The following FAM169A variants were observed in gnomAD, a reference collection of about 807,000 sequenced individuals.
The protein encoded by FAM169A is family with sequence similarity 169 member A.
Under a neutral mutation model 75.7 loss-of-function variants are expected in FAM169A, and 24 were observed. The observed-to-expected ratio is 0.32, with a 90% CI of 0.23 to 0.45. FAM169A has a LOEUF of 0.45. FAM169A is among the 20% of genes least tolerant of loss of function. The pLI, the probability that FAM169A is intolerant of heterozygous loss-of-function variation, is 1.00. For missense variants in FAM169A, 673 were observed against 784.0 expected, an observed-to-expected ratio of 0.86 and a Z score of 1.69; for synonymous variants, 271 against 271.0, an observed-to-expected ratio of 1.00 and a Z score of 0.00.
intron 5 of FAM169A, among the ~76,000 whole-genome samples, chr5:74,832,680 C>T (rs1457471575): frequency 6.7e-6 from 1 of 150,058 alleles, no homozygotes; most frequent in Non-Finnish European, 1.5e-5. Context: ...TATACACACA[C>T]ATATCAGAAA....
chr5:74,834,407 A>G lies in FAM169A; in HGVS notation c.490+19T>C, dbSNP rs1418283193. On this transcript the variant is annotated intron_variant, in intron 5 of 12. Transcript: ENST00000687041. ...GAGATTTCCATAATACACAGTTTAA[A>G]TAACTTTTAAAGACTCACCTGTAGG... 1.1e-5 allele frequency: 15 copies of G among 1,414,258 alleles called. No individual in the cohort carries two copies. Among genetic ancestry groups the G allele is most frequent in the Non-Finnish European group, 1.1e-5 (12 of 1,072,506 alleles). 87.6% of individuals were successfully genotyped at this position (1,414,258 alleles called of 1,614,324 possible).
chr5:74,797,562 C>T (rs1746345085), intron 10 of FAM169A, among the ~76,000 whole-genome samples: 1 of 152,174 alleles, frequency 6.6e-6, no homozygotes, highest in African/African-American at 2.4e-5. Context: ...CATGTTAGTG[C>T]TTTAGTCGAA....
At chr5:74,864,056 A>G (rs1750175773) in intron 1 of FAM169A, among the ~76,000 whole-genome samples, 1 of 152,220 alleles carries the variant, frequency 6.6e-6, no homozygotes, top group Admixed American at 6.5e-5. Flanking sequence ...AATGGGAAGC[A>G]CGATATTTTT....
At chr5:74,797,025 C>A (rs1034483686) in intron 10 of FAM169A, among the ~76,000 whole-genome samples, 1 of 152,196 alleles carries the variant, frequency 6.6e-6, no homozygotes, top group Admixed American at 6.5e-5. Context: ...CAGCTTCAGA[C>A]TTGTAGTACA....
chr5:74,849,968 A>C (rs932671439), intron 1 of FAM169A, among the ~76,000 whole-genome samples: 1 of 152,230 alleles, frequency 6.6e-6, no homozygotes, highest in Non-Finnish European at 1.5e-5. Context: ...ATTAGGTAAT[A>C]GAGCAGGAAG....
At chr5:74,847,822 G>A (rs1436391097) in intron 1 of FAM169A, among the ~76,000 whole-genome samples, 7 of 151,760 alleles carry the variant, frequency 4.6e-5, no homozygotes, top group South Asian at 2.1e-4. Flanking sequence ...ATGACTTCTC[G>A]GCTTATTTTT....
intron 12 of FAM169A, 32 bp from the exon 13 acceptor site, chr5:74,782,040 C>A (rs1745438122): frequency 6.6e-7 from 1 of 1,521,256 alleles, no homozygotes; most frequent in Non-Finnish European, 9.0e-7. Flanking sequence ...AACAAATAAA[C>A]TTGTACTACA....
chr5:74,862,371 T>TTA (rs1554054391), intron 1 of FAM169A, among the ~76,000 whole-genome samples: 2 of 152,208 alleles, frequency 1.3e-5, no homozygotes, highest in Non-Finnish European at 1.5e-5. Flanking sequence ...ACAGGACCAG[T>TTA]TATAACTCTA....
rs1554051253 is a variant in FAM169A, at chr5:74,834,999, T to TTA, written c.319-403_319-402insTA. The stretch of plus-strand genomic sequence containing the variant: ...TCAACTGCTTTTCAGTCTCCACATT[T>TTA]AAAAAAAAAAAAAAAAAGGCAGCTT... On this transcript the variant is annotated intron_variant, in intron 4 of 12. Transcript: ENST00000687041. Among the ~76,000 whole-genome samples, 76 of 131,128 alleles carry TTA rather than the reference T, an allele frequency of 5.8e-4. 1 individual carries two copies. Among genetic ancestry groups the TTA allele is most frequent in the Middle Eastern group, 3.9e-3 (1 of 256 alleles). The allele number at this position is 131,128 out of a possible 152,430, so 86.0% of individuals were successfully genotyped here.
chr5:74,846,361 A>G (rs1749156242), intron 1 of FAM169A, among the ~76,000 whole-genome samples: 1 of 152,194 alleles, frequency 6.6e-6, no homozygotes, highest in Non-Finnish European at 1.5e-5. Context: ...TCTGTCTATA[A>G]AAGCATAATC....
chr5:74,781,741 C>T lies in FAM169A; in HGVS notation c.1732G>A (p.Glu578Lys). 6.2e-7 allele frequency: 1 copy of T among 1,614,088 alleles called. No homozygotes were observed. The highest frequency in any genetic ancestry group is 8.5e-7 in the Non-Finnish European group (1 of 1,179,992). Residue 578 changes from glutamate to lysine, a missense_variant, in exon 13 of 13, where the codon GAG (glutamate) becomes AAG (lysine). Transcript: ENST00000687041. ...AGAGCAGTAGATGTTTCCTGGGGCT[C>T]AGATACCCCCTCCTCACCCTGGTCT... ...LEDQGEEGVS[E>K]PQETSTALPQ...
intron 5 of FAM169A, among the ~76,000 whole-genome samples, chr5:74,830,167 TCA>T (rs1207279679): frequency 6.6e-6 from 1 of 152,026 alleles, no homozygotes; most frequent in Non-Finnish European, 1.5e-5. Flanking sequence ...AGAATCCCCC[TCA>T]CACAACAACA....
intron 5 of FAM169A, among the ~76,000 whole-genome samples, chr5:74,826,461 T>TCAAA (rs1748032455): frequency 1.3e-5 from 2 of 152,188 alleles, no homozygotes; most frequent in Non-Finnish European, 2.9e-5. Context: ...GTATTTTTAG[T>TCAAA]TTCTTTTTTC....
Position 74,841,598 on chromosome 5 carries a change from A to C in FAM169A, c.79T>G (p.Leu27Val). ...ENSAEDYMSD[L>V]RCGDPENPEC... The stretch of plus-strand genomic sequence containing the variant: ...GGATTTTCAGGGTCCCCACACCTTA[A>C]ATCTGACATGTAATCTTCAGCAGAA... The change falls in exon 2 of 13, where the codon TTA becomes GTA. Residue 27 changes from leucine (L) to valine (V), a missense_variant. Transcript: ENST00000687041. 1 of 1,613,388 alleles carries C rather than the reference A, an allele frequency of 6.2e-7. No homozygotes were observed. Among genetic ancestry groups the C allele is most frequent in the Non-Finnish European group, 8.5e-7 (1 of 1,179,496 alleles).
At chr5:74,801,193 T>A (rs1746557018) in intron 9 of FAM169A, among the ~76,000 whole-genome samples, 163 bp from the exon 10 acceptor site, 1 of 152,236 alleles carries the variant, frequency 6.6e-6, no homozygotes, top group Non-Finnish European at 1.5e-5. Context: ...AATTATTTTA[T>A]AATTTACATC....
chr5:74,790,307 G>C (rs529281434), intron 11 of FAM169A, among the ~76,000 whole-genome samples: 38 of 152,318 alleles, frequency 2.5e-4, no homozygotes, highest in African/African-American at 7.9e-4. Flanking sequence ...GAAGGACACT[G>C]GTGAAGGAAA....
chr5:74,866,914 C>G, upstream of FAM169A: 2 of 985,534 alleles, frequency 2.0e-6, no homozygotes, highest in Non-Finnish European at 2.4e-6. Context: ...CATCCTAAAC[C>G]TACTGCCACT....
chr5:74,807,062 C>G (rs1332037819), intron 6 of FAM169A, among the ~76,000 whole-genome samples: 1 of 152,132 alleles, frequency 6.6e-6, no homozygotes, highest in African/African-American at 2.4e-5. Flanking sequence ...TTTTATGATC[C>G]AATTCTACTT....
Position 74,781,376 on chromosome 5 carries a change from C to T in FAM169A, c.*84G>A. On this transcript the variant is annotated 3_prime_UTR_variant, in exon 13 of 13. Coordinates refer to ENST00000687041, the MANE Select transcript of FAM169A (RefSeq NM_001376049.1). ...AATTTTGGAAATTTTTGTCCTGTGCCCCATGCTGTTTATTAATTACCATAT... is the reference window on the plus strand; with the variant it reads ...AATTTTGGAAATTTTTGTCCTGTGCTCCATGCTGTTTATTAATTACCATAT... The T allele has an allele frequency of 7.4e-7, 1 of 1,349,002 alleles. No homozygotes were observed. The highest frequency in any genetic ancestry group is 1.0e-6 in the Non-Finnish European group (1 of 979,540). The allele number at this position is 1,349,002 out of a possible 1,614,324, so 83.6% of individuals were successfully genotyped here. A position where few individuals can be genotyped will look rare whatever the true frequency, so the allele number is the denominator to read the frequency against.
Sources: allele counts gnomAD v4.1 joint callset (sites outside exome capture counted in the v4.1 genomes callset), GRCh38; gene constraint gnomAD v4.1.1; transcripts MANE v1.5; gene names NCBI Gene and HGNC (gene_info 2026-07-23, HGNC 2026-07-21).